DLG2: variants seen among roughly 807,000 people sequenced by gnomAD.
The protein encoded by DLG2 is disks large homolog 2.
Under a neutral mutation model 132.5 loss-of-function variants are expected in DLG2, and 45 were observed. The ratio of observed to expected loss-of-function variants is 0.34; its 90% CI spans 0.27 to 0.44. The LOEUF (loss-of-function observed/expected upper bound fraction) is 0.44. Among genes scored for constraint, DLG2 ranks in the 20% least tolerant of loss-of-function variants. DLG2 has a pLI of 1.00. For synonymous variants in DLG2, 424 were observed against 419.6 expected (o/e 1.01, Z -0.13); for missense variants, 1,045 against 1,196.9 (o/e 0.87, Z 1.87).
intron 3 of DLG2, chr11:85,286,147 T>G (rs769575057): frequency 4.5e-6 from 2 of 449,158 alleles, no homozygotes; most frequent in African/African-American, 2.0e-5. Flanking sequence ...TCAAGGAAAC[T>G]ATACAAAAGC....
intron 17 of DLG2, among the ~76,000 whole-genome samples, chr11:83,810,747 T>A (rs2047049739): frequency 6.6e-6 from 1 of 152,132 alleles, no homozygotes; most frequent in Non-Finnish European, 1.5e-5. Context: ...TTTTGTTTAC[T>A]CATTTATTCT....
intron 17 of DLG2, chr11:83,791,347 T>A: frequency 1.5e-6 from 1 of 669,402 alleles, no homozygotes; most frequent in South Asian, 1.8e-5. Context: ...TTTTAACGTA[T>A]CCATCAAGCT....
intron 6 of DLG2, among the ~76,000 whole-genome samples, chr11:85,028,904 A>G (rs2060777067): frequency 6.6e-6 from 1 of 152,060 alleles, no homozygotes; most frequent in Non-Finnish European, 1.5e-5. Flanking sequence ...TGGAGCGCGC[A>G]GCCCCAGCTG....
intron 18 of DLG2, chr11:83,725,502 T>C (rs940100627): frequency 1.3e-5 from 2 of 152,236 alleles, no homozygotes; most frequent in African/African-American, 2.4e-5. Context: ...AGGGAAGGTT[T>C]ATGGAGGCGG....
At chr11:85,462,113 G>T (rs552219321) in intron 3 of DLG2, among the ~76,000 whole-genome samples, 1 of 152,262 alleles carries the variant, frequency 6.6e-6, no homozygotes. Flanking sequence ...ATCATCTCAC[G>T]CCAGTTAGAA....
intron 17 of DLG2, among the ~76,000 whole-genome samples, chr11:83,817,204 T>C (rs575308269): frequency 6.6e-6 from 1 of 152,160 alleles, no homozygotes; most frequent in Admixed American, 6.6e-5. Context: ...AGGAAGAGTA[T>C]GGGATATACA....
chr11:83,662,043 G>A (rs145739344), intron 18 of DLG2, among the ~76,000 whole-genome samples: 18 of 152,012 alleles, frequency 1.2e-4, no homozygotes, highest in African/African-American at 4.1e-4. Context: ...TGTCTTCAAA[G>A]ATGGTCTACC....
At chr11:85,536,937 G>C (rs1402387038) in intron 3 of DLG2, among the ~76,000 whole-genome samples, 1 of 152,216 alleles carries the variant, frequency 6.6e-6, no homozygotes, top group Admixed American at 6.5e-5. Flanking sequence ...AGGTGAAGCT[G>C]ATTGGGCTTC....
chr11:85,343,662 A>G (rs1479343054), intron 3 of DLG2, among the ~76,000 whole-genome samples: 1 of 152,100 alleles, frequency 6.6e-6, no homozygotes, highest in Non-Finnish European at 1.5e-5. Context: ...ACACGCACAT[A>G]CATACACACA....
chr11:83,590,911 G>C (rs541156892), intron 19 of DLG2, among the ~76,000 whole-genome samples: 1 of 150,306 alleles, frequency 6.7e-6, no homozygotes, highest in Non-Finnish European at 1.5e-5. Flanking sequence ...TAAATTCCTC[G>C]ACACATACAC....
intron 10 of DLG2, among the ~76,000 whole-genome samples, chr11:84,075,424 G>C (rs1255364892): frequency 6.6e-6 from 1 of 152,108 alleles, no homozygotes; most frequent in Non-Finnish European, 1.5e-5. Context: ...ACTAAGCAAA[G>C]AGTTGAATAA....
chr11:84,912,190 C>T (rs1448807822), intron 6 of DLG2, among the ~76,000 whole-genome samples: 2 of 152,202 alleles, frequency 1.3e-5, no homozygotes, highest in East Asian at 1.9e-4. Context: ...CACTCTGTCG[C>T]CCAGGCTGGA....
chr11:84,352,974 T>C (rs2098588639), intron 7 of DLG2, among the ~76,000 whole-genome samples: 1 of 152,188 alleles, frequency 6.6e-6, no homozygotes, highest in South Asian at 2.1e-4. Flanking sequence ...ATTACTCTTC[T>C]GTCTTCAGAA....
At chr11:84,653,941 C>A (rs933300324) in intron 6 of DLG2, among the ~76,000 whole-genome samples, 2 of 152,164 alleles carry the variant, frequency 1.3e-5, no homozygotes, top group Non-Finnish European at 2.9e-5. Flanking sequence ...CAGAAAAGAT[C>A]TTTAGCCTTA....
At chr11:84,663,250 T>TATA (rs932489716) in intron 6 of DLG2, among the ~76,000 whole-genome samples, 3 of 38,612 alleles carry the variant, frequency 7.8e-5, no homozygotes, top group African/African-American at 1.1e-4. Flanking sequence ...TATATATATA[T>TATA]TTTTTTTTCA....
At chr11:84,725,862 T>G (rs1316400514) in intron 6 of DLG2, among the ~76,000 whole-genome samples, 13 of 152,046 alleles carry the variant, frequency 8.6e-5, no homozygotes, top group Non-Finnish European at 1.9e-4. Context: ...TTAATGAAAG[T>G]TAACAGAAAA....
At chr11:83,879,730 G>A (rs2065677973) in intron 15 of DLG2, among the ~76,000 whole-genome samples, 2 of 152,094 alleles carry the variant, frequency 1.3e-5, no homozygotes, top group African/African-American at 4.8e-5. Context: ...CCCAATAAAT[G>A]TTAATTGGGC....
chr11:84,143,297 CAT>C (rs2094934804), intron 9 of DLG2, among the ~76,000 whole-genome samples: 1 of 152,048 alleles, frequency 6.6e-6, no homozygotes, highest in Non-Finnish European at 1.5e-5. Context: ...GGGGAGATAA[CAT>C]ATTAGCTGGG....
chr11:83,966,615 T>C (rs1404067740), intron 12 of DLG2, among the ~76,000 whole-genome samples: 7 of 151,998 alleles, frequency 4.6e-5, no homozygotes, highest in East Asian at 1.9e-4. Context: ...CTGGCTACTA[T>C]ATAAAAAAAT....
Sources: allele counts gnomAD v4.1 joint callset (sites outside exome capture counted in the v4.1 genomes callset), GRCh38; gene constraint gnomAD v4.1.1; transcripts MANE v1.5; gene names NCBI Gene and HGNC (gene_info 2026-07-23, HGNC 2026-07-21).